The following CALN1 variants were observed in gnomAD, a reference collection of about 807,000 sequenced individuals.
CALN1 encodes calcium-binding protein 8.
Under a neutral mutation model 30.6 loss-of-function variants are expected in CALN1, and 17 were observed. That is an observed-to-expected ratio of 0.56 (90% CI 0.38 to 0.83). The LOEUF (loss-of-function observed/expected upper bound fraction) is 0.83. Among genes scored for constraint, CALN1 ranks in the 40% least tolerant of loss-of-function variants. CALN1 has a pLI of 0.00. For synonymous variants in CALN1, 156 were observed against 131.4 expected (o/e 1.19, Z -1.28); for missense variants, 291 against 354.9 (o/e 0.82, Z 1.45).
intron 2 of CALN1, among the ~76,000 whole-genome samples, chr7:72,317,415 A>C (rs1399375911): frequency 1.3e-5 from 2 of 152,240 alleles, no homozygotes; most frequent in Non-Finnish European, 2.9e-5. Context: ...CAGAGGATTT[A>C]TTCCTAAACA....
intron 3 of CALN1, among the ~76,000 whole-genome samples, chr7:72,181,187 T>C (rs1789780472): frequency 1.4e-5 from 2 of 147,372 alleles, no homozygotes; most frequent in South Asian, 4.2e-4. Flanking sequence ...TAAGTCTATA[T>C]ATGTATGTAT....
At chr7:72,091,803 G>T (rs919718267) in intron 4 of CALN1, among the ~76,000 whole-genome samples, 6 of 152,150 alleles carry the variant, frequency 3.9e-5, no homozygotes, top group African/African-American at 1.2e-4. Flanking sequence ...GTCTAGTCTT[G>T]CCAAATTCTC....
rs377559463 is a variant in CALN1 at position 71,947,237 on chromosome 7, C to T, written c.501+76420G>A. ...TGTTGCCCAGGCTGGTCTCAAACTC[C>T]TGACCTCAGGCGATCTGCCCACCTC... On this transcript the variant is annotated intron_variant, in intron 5 of 6. Coordinates refer to ENST00000395275, the MANE Select transcript of CALN1 (RefSeq NM_031468.4). Among the ~76,000 whole-genome samples the T allele has an allele frequency of 2.6e-5, 4 of 152,288 alleles. No individual in the cohort carries two copies. The East Asian group carries it at 7.7e-4, about 29-fold the overall frequency.
chr7:72,293,147 G>A (rs1210088868), intron 2 of CALN1, among the ~76,000 whole-genome samples: 1 of 152,150 alleles, frequency 6.6e-6, no homozygotes, highest in African/African-American at 2.4e-5. Flanking sequence ...TCAACAAGAG[G>A]ATTTAAAACA....
intron 5 of CALN1, among the ~76,000 whole-genome samples, chr7:71,979,730 C>A (rs1172090200): frequency 6.6e-6 from 1 of 152,088 alleles, no homozygotes; most frequent in Admixed American, 6.6e-5. Flanking sequence ...AATAATGATA[C>A]TCTGCCTACT....
chr7:72,183,044 G>A (rs112955850), intron 3 of CALN1, among the ~76,000 whole-genome samples: 2,609 of 152,128 alleles, frequency 0.017, 28 homozygotes, highest in Non-Finnish European at 0.024. Flanking sequence ...GGGCTTTTTT[G>A]TTTGTTTTTG....
intron 6 of CALN1, among the ~76,000 whole-genome samples, chr7:71,796,892 T>G (rs112428242): frequency 1.3e-5 from 2 of 152,220 alleles, no homozygotes; most frequent in Non-Finnish European, 2.9e-5. Flanking sequence ...GCTCCATGCA[T>G]GACAGACTGG....
intron 1 of CALN1, among the ~76,000 whole-genome samples, chr7:72,425,045 C>T (rs922786120): frequency 4.6e-5 from 7 of 152,116 alleles, no homozygotes; most frequent in Non-Finnish European, 1.0e-4. Context: ...ACATGATTTC[C>T]ACCATTGGCA....
At chr7:72,411,017 G>A (rs372721427) in intron 1 of CALN1, among the ~76,000 whole-genome samples, 1 of 152,078 alleles carries the variant, frequency 6.6e-6, no homozygotes, top group Non-Finnish European at 1.5e-5. Context: ...ATGAAAAAAC[G>A]ATTACAAATA....
chr7:72,177,691 A>T (rs891724851), intron 3 of CALN1, among the ~76,000 whole-genome samples: 2 of 149,680 alleles, frequency 1.3e-5, no homozygotes, highest in African/African-American at 4.9e-5. Context: ...CTTGAACCTG[A>T]GAGGCAGAAG....
intron 3 of CALN1, among the ~76,000 whole-genome samples, chr7:72,252,756 C>T (rs1053125225): frequency 6.6e-6 from 1 of 152,152 alleles, no homozygotes; most frequent in Non-Finnish European, 1.5e-5. Context: ...CCATGCTACT[C>T]CTACTCCTGT....
chr7:72,244,770 G>A (rs191634607), intron 3 of CALN1, among the ~76,000 whole-genome samples: 1 of 151,984 alleles, frequency 6.6e-6, no homozygotes, highest in Admixed American at 6.6e-5. Context: ...GTGGTTTTAT[G>A]GCACTACCAA....
At chr7:72,117,082 A>ACGT (rs1808037110) in intron 3 of CALN1, among the ~76,000 whole-genome samples, 1 of 151,952 alleles carries the variant, frequency 6.6e-6, no homozygotes, top group Non-Finnish European at 1.5e-5. Context: ...GGAGGCCAAG[A>ACGT]CAGGAGGATC....
chr7:71,880,052 A>G (rs1209138604), intron 5 of CALN1, among the ~76,000 whole-genome samples: 9 of 152,154 alleles, frequency 5.9e-5, no homozygotes, highest in Non-Finnish European at 1.0e-4. Context: ...CAGGAAGATC[A>G]TTAAAGCCCG....
At chr7:72,126,159 C>T (rs983710385) in intron 3 of CALN1, among the ~76,000 whole-genome samples, 6 of 152,124 alleles carry the variant, frequency 3.9e-5, no homozygotes, top group Non-Finnish European at 7.3e-5. Flanking sequence ...TAAGTGAGAA[C>T]ATACAATGTT....
chr7:71,927,914 C>A lies in CALN1; in HGVS notation c.501+95743G>T, dbSNP rs148404928. 6.4e-3 allele frequency among the ~76,000 whole-genome samples: 977 copies of A among 152,096 alleles called. 7 individuals are homozygous for A. The highest frequency in any genetic ancestry group is 0.022 in the African/African-American group (912 of 41,390). On this transcript the variant is annotated intron_variant, in intron 5 of 6. Transcript: ENST00000395275. ...CCAGTGGTAGGAGATCTTTAATGGC[C>A]TGGGTCAAACACCCAGGAATGGAAG...
intron 4 of CALN1, among the ~76,000 whole-genome samples, chr7:72,038,917 T>TG (rs890617732): frequency 1.6e-4 from 24 of 152,350 alleles, no homozygotes; most frequent in African/African-American, 5.5e-4. Context: ...ATGGCTGCTC[T>TG]GCCTATGGAG....
intron 3 of CALN1, among the ~76,000 whole-genome samples, chr7:72,258,984 G>A (rs989322375): frequency 6.6e-6 from 1 of 151,802 alleles, no homozygotes; most frequent in African/African-American, 2.4e-5. Flanking sequence ...GGAAGGCTGA[G>A]GCAGGAGAAT....
At chr7:71,838,855 C>T (rs1261943705) in intron 5 of CALN1, among the ~76,000 whole-genome samples, 3 of 152,186 alleles carry the variant, frequency 2.0e-5, no homozygotes, top group African/African-American at 7.2e-5. Flanking sequence ...TTGTAAGTTT[C>T]CTGAGGCCTC....
Sources: allele counts gnomAD v4.1 joint callset (sites outside exome capture counted in the v4.1 genomes callset), GRCh38; gene constraint gnomAD v4.1.1; transcripts MANE v1.5; gene names NCBI Gene and HGNC (gene_info 2026-07-23, HGNC 2026-07-21).